The following RNF220 variants were observed in gnomAD, a reference collection of about 807,000 sequenced individuals.
RNF220 encodes the protein E3 ubiquitin-protein ligase RNF220.
A neutral mutation model predicts 67.1 loss-of-function variants in RNF220; 7 were observed. The ratio of observed to expected loss-of-function variants is 0.10; its 90% confidence interval spans 0.06 to 0.20. The LOEUF (loss-of-function observed/expected upper bound fraction) is 0.20, where lower values mean the gene tolerates loss of function less well. Ranked by LOEUF, RNF220 falls within the 10% of genes least tolerant of loss-of-function variation. The pLI is 1.00. For synonymous variants in RNF220, 270 were observed against 283.2 expected (o/e 0.95, Z 0.47); for missense variants, 565 against 740.3 (o/e 0.76, Z 2.75).
At chr1:44,591,047 C>T (rs149753436) in intron 2 of RNF220, among the ~76,000 whole-genome samples, 8,281 of 152,160 alleles carry the variant, frequency 0.054, 311 homozygotes, top group Non-Finnish European at 0.077. Context: ...CTGCAACCTC[C>T]GCCTCCTAGG....
Position 44,632,344 on chromosome 1 carries a change from C to G in RNF220, c.908C>G (p.Thr303Ser), listed in dbSNP as rs199738126. 335 of 1,614,024 alleles carry G rather than the reference C, an allele frequency of 2.1e-4. No individual in the cohort carries two copies. The highest frequency in any genetic ancestry group is 8.3e-5 in the Admixed American group (5 of 60,010). ...DDLHHSDRYQ[T>S]FLRVRANRQT... is the part of the protein sequence containing the mutation. ...CATCTGCCCGCGATCTTCTCCCAGA[C>G]CTTTCTGCGAGTACGAGCCAACCGG... Residue 303 changes from threonine (T) to serine (S), a missense_variant and splice_region_variant, in exon 6 of 15, where the codon ACC becomes AGC. Coordinates refer to ENST00000361799, the MANE Select transcript of RNF220 (RefSeq NM_018150.4).
At chr1:44,483,178 G>A (rs928309181) in intron 2 of RNF220, among the ~76,000 whole-genome samples, 6 of 151,972 alleles carry the variant, frequency 3.9e-5, no homozygotes, top group East Asian at 1.9e-4. Flanking sequence ...CCATCCTCCC[G>A]ACTTAGCCTC....
At chr1:44,647,492 G>C (rs972799255) in intron 12 of RNF220, among the ~76,000 whole-genome samples, 32 of 148,786 alleles carry the variant, frequency 2.2e-4, no homozygotes, top group Admixed American at 1.9e-3. Context: ...AGCCCCCAGG[G>C]AATCAGCCAG....
chr1:44,597,468 G>T (rs1572993669), intron 2 of RNF220, among the ~76,000 whole-genome samples: 2 of 135,744 alleles, frequency 1.5e-5, no homozygotes. Flanking sequence ...TCTCTCTCAT[G>T]CACACACACA....
chr1:44,568,324 A>C (rs1243899710), intron 2 of RNF220, among the ~76,000 whole-genome samples: 5 of 152,082 alleles, frequency 3.3e-5, no homozygotes, highest in Non-Finnish European at 5.9e-5. Context: ...CAGCTCCTCA[A>C]ACATTCTAAT....
intron 2 of RNF220, among the ~76,000 whole-genome samples, chr1:44,527,925 C>CAAA (rs56409207): frequency 0.086 from 4,814 of 56,090 alleles, 1,580 homozygotes; most frequent in East Asian, 0.39. Flanking sequence ...GACTCCATCC[C>CAAA]AAAAAAAAAA....
chr1:44,594,642 G>A (rs985106625), intron 2 of RNF220, among the ~76,000 whole-genome samples: 5 of 152,216 alleles, frequency 3.3e-5, no homozygotes, highest in Admixed American at 3.3e-4. Context: ...CTGGTATCCA[G>A]AAGAAGGTAT....
rs1643446233 is a variant in RNF220 at position 44,614,251 on chromosome 1, G to A, written c.712G>A (p.Glu238Lys). ...QVLLRPSELQ[E>K]HMEQELEQLA... is the part of the protein sequence containing the mutation. ...CCTGCTGAGGCCCAGTGAGCTGCAG[G>A]AGCATATGGAGCAGGAACTGGAGCA... The change falls in exon 3 of 15, where the codon GAG (glutamate) becomes AAG (lysine). Residue 238 changes from glutamate (E) to lysine (K), a missense_variant. Transcript: ENST00000361799. The A allele has an allele frequency of 1.2e-6, 2 of 1,614,046 alleles. No individual in the cohort carries two copies. The highest frequency in any genetic ancestry group is 1.7e-6 in the Non-Finnish European group (2 of 1,180,012).
chr1:44,589,441 C>T (rs975119733), intron 2 of RNF220, among the ~76,000 whole-genome samples: 5 of 152,002 alleles, frequency 3.3e-5, no homozygotes, highest in African/African-American at 9.7e-5. Context: ...GGTGAAACCC[C>T]GTCTCTACTA....
At chr1:44,484,359 G>A (rs954764764) in intron 2 of RNF220, among the ~76,000 whole-genome samples, 3 of 152,282 alleles carry the variant, frequency 2.0e-5, no homozygotes, top group East Asian at 1.9e-4. Flanking sequence ...ATCTAACTGC[G>A]AGGGAGGCTG....
chr1:44,447,231 A>G (rs957542431), intron 2 of RNF220, among the ~76,000 whole-genome samples: 5 of 152,226 alleles, frequency 3.3e-5, no homozygotes, highest in Non-Finnish European at 7.3e-5. Context: ...GAGTCACACC[A>G]GCTGTGATTC....
rs200464507 is a variant in RNF220 at position 44,566,423 on chromosome 1, C to T, written c.626-47742C>T. Reference sequence around the variant, plus strand: ...TCTGGCTAAGCCTGCCTGTATCCAGCACCCTAGCCTATGGAGCATGGAAGA... The same window carrying T: ...TCTGGCTAAGCCTGCCTGTATCCAGTACCCTAGCCTATGGAGCATGGAAGA... On this transcript the variant is annotated intron_variant, in intron 2 of 14. Coordinates refer to ENST00000361799, the MANE Select transcript of RNF220 (RefSeq NM_018150.4). 1.9e-3 allele frequency among the ~76,000 whole-genome samples: 284 copies of T among 152,304 alleles called. 2 individuals carry two copies. Among genetic ancestry groups the T allele is most frequent in the African/African-American group, 6.4e-3 (265 of 41,562 alleles).
At chr1:44,435,720 A>G (rs991762696) in intron 2 of RNF220, among the ~76,000 whole-genome samples, 1 of 152,158 alleles carries the variant, frequency 6.6e-6, no homozygotes, top group Non-Finnish European at 1.5e-5. Flanking sequence ...ACTTGAGGTC[A>G]GGAGTTTGAG....
chr1:44,477,592 CACTT>C (rs1003784956), intron 2 of RNF220, among the ~76,000 whole-genome samples: 3 of 152,226 alleles, frequency 2.0e-5, no homozygotes, highest in African/African-American at 7.2e-5. Flanking sequence ...CATACAACAG[CACTT>C]ACTTCTCATG....
chr1:44,587,054 G>A (rs1665749433), intron 2 of RNF220, among the ~76,000 whole-genome samples: 2 of 149,648 alleles, frequency 1.3e-5, no homozygotes, highest in South Asian at 2.1e-4. Context: ...AACAACATGG[G>A]CAAATTCCCC....
intron 2 of RNF220, among the ~76,000 whole-genome samples, chr1:44,603,063 T>C (rs1330234335): frequency 6.6e-6 from 1 of 151,968 alleles, no homozygotes; most frequent in Non-Finnish European, 1.5e-5. Flanking sequence ...TCACCAGCAA[T>C]GAAAAATGAC....
intron 2 of RNF220, among the ~76,000 whole-genome samples, chr1:44,574,847 GTTGT>G (rs1664695790): frequency 6.9e-6 from 1 of 145,900 alleles, no homozygotes; most frequent in Non-Finnish European, 1.5e-5. Flanking sequence ...TGTTGTTGTT[GTTGT>G]TTTGCATTTG....
At chr1:44,594,779 G>A (rs764597439) in intron 2 of RNF220, among the ~76,000 whole-genome samples, 4 of 152,352 alleles carry the variant, frequency 2.6e-5, no homozygotes, top group African/African-American at 4.8e-5. Context: ...TTGGATTGAA[G>A]TTTAGGACTT....
rs191194773 is a variant in RNF220, at chr1:44,410,354, C to T, written c.-117-1627C>T. Among the ~76,000 whole-genome samples, 7 of 152,330 alleles carry T rather than the reference C, an allele frequency of 4.6e-5. No individual in the cohort carries two copies. The East Asian group carries it at 1.3e-3, about 29-fold the overall frequency. ...TAGAAAACAGCCAAGAACAGGATTC[C>T]CAGACTTGTCAGCCTAACTGGCTGT... On this transcript the variant is annotated intron_variant, in intron 1 of 14. Transcript: ENST00000361799.
Sources: gnomAD v4.1 joint callset for allele counts (sites outside exome capture counted in the v4.1 genomes callset) on GRCh38, gnomAD v4.1.1 for gene constraint, MANE v1.5 for transcripts, NCBI Gene and HGNC (gene_info 2026-07-23, HGNC 2026-07-21) for gene names.